Variants in XDH observed in about 807,000 individuals in gnomAD.
XDH encodes xanthine dehydrogenase/oxidase.
XDH carries 138 observed loss-of-function variants against 156.1 expected under a neutral mutation model. That is an observed-to-expected ratio of 0.88 (90% CI 0.77 to 1.02). The LOEUF is 1.02. Among genes scored for constraint, XDH ranks in the 50% least tolerant of loss-of-function variants. The pLI is 0.00. For missense variants in XDH, 1,849 were observed against 1,684.9 expected, an observed-to-expected ratio of 1.10 and a Z score of -1.71; for synonymous variants, 669 against 625.7, an observed-to-expected ratio of 1.07 and a Z score of -1.03.
Position 31,397,834 on chromosome 2 carries a change from G to A in XDH, c.434-105C>T, listed in dbSNP as rs1056624630. 6 of 1,299,412 alleles carry A rather than the reference G, an allele frequency of 4.6e-6. No individual in the cohort carries two copies. The African/African-American group carries it at 8.7e-5, about 19-fold the overall frequency. The allele number at this position is 1,299,412 out of a possible 1,614,324, so 80.5% of individuals were successfully genotyped here. ...AGTTGGGTGCTCTCTTTACCAGGCTGCATATTCTGTTACCTCTGTCTGGAA... is the reference window on the plus strand; with the variant it reads ...AGTTGGGTGCTCTCTTTACCAGGCTACATATTCTGTTACCTCTGTCTGGAA... On this transcript the variant is annotated intron_variant, in intron 5 of 35. Transcript: ENST00000379416.
intron 10 of XDH, among the ~76,000 whole-genome samples, chr2:31,383,497 A>G (rs1252474024): frequency 2.1e-5 from 3 of 144,804 alleles, no homozygotes; most frequent in Admixed American, 7.1e-5. Context: ...CCACCCCCGC[A>G]TGAGTGATTC....
intron 24 of XDH, 127 bp from the exon 25 acceptor site, chr2:31,350,350 A>C: frequency 3.5e-6 from 2 of 563,770 alleles, no homozygotes; most frequent in South Asian, 1.6e-5. Flanking sequence ...TTTCTCCCCC[A>C]GGATATTGCA....
chr2:31,367,498 T>C (rs1251571029), intron 20 of XDH, among the ~76,000 whole-genome samples: 1 of 152,052 alleles, frequency 6.6e-6, no homozygotes, highest in African/African-American at 2.4e-5. Context: ...GTCAGCTGTG[T>C]TGTCCTGGGG....
rs183289802 is a variant in XDH, at chr2:31,401,778, G to A, written c.198-450C>T. Among the ~76,000 whole-genome samples the A allele has an allele frequency of 9.5e-4, 145 of 152,282 alleles. 1 individual carries two copies. The highest frequency in any genetic ancestry group is 3.4e-3 in the African/African-American group (140 of 41,556). On this transcript the variant is annotated intron_variant, in intron 3 of 35. Coordinates refer to ENST00000379416, the MANE Select transcript of XDH (RefSeq NM_000379.4). ...GCCTCTATTGCTTTCATTTCTCTGT[G>A]GGGAAAGGGGGAGGAAACCCCCAGG...
intron 24 of XDH, among the ~76,000 whole-genome samples, chr2:31,355,960 G>C (rs1685612564): frequency 6.6e-6 from 1 of 152,148 alleles, no homozygotes; most frequent in Non-Finnish European, 1.5e-5. Flanking sequence ...TCAAAAGAAA[G>C]CAAGAGTGGC....
intron 2 of XDH, 90 bp downstream of exon 2, chr2:31,405,817 C>G (rs979558453): frequency 3.0e-5 from 45 of 1,498,880 alleles, no homozygotes; most frequent in Non-Finnish European, 3.5e-5. Flanking sequence ...TCAAGGCCAC[C>G]CCACCAGTCA....
chr2:31,368,320 T>G (rs1685977389), intron 19 of XDH, among the ~76,000 whole-genome samples: 1 of 152,204 alleles, frequency 6.6e-6, no homozygotes, highest in Admixed American at 6.5e-5. Flanking sequence ...GGTAAAATTT[T>G]GAGAAGGAGG....
chr2:31,387,270 G>A (rs111621974), intron 8 of XDH, among the ~76,000 whole-genome samples: 16 of 152,264 alleles, frequency 1.1e-4, no homozygotes, highest in African/African-American at 3.6e-4. Flanking sequence ...CAAAAACTCC[G>A]AGTGGCTTGA....
chr2:31,347,012 G>T (rs1055286118), intron 29 of XDH, among the ~76,000 whole-genome samples, 169 bp from the exon 30 acceptor site: 5 of 152,160 alleles, frequency 3.3e-5, no homozygotes, highest in African/African-American at 1.2e-4. Context: ...GGGTAGAATC[G>T]ACAGGACCTG....
chr2:31,372,812 T>G (rs1686114013), intron 16 of XDH, among the ~76,000 whole-genome samples: 1 of 152,046 alleles, frequency 6.6e-6, no homozygotes, highest in African/African-American at 2.4e-5. Flanking sequence ...AGATAATATA[T>G]GCTATAAATA....
At chr2:31,379,738 A>G in intron 13 of XDH, 129 bp downstream of exon 13, 1 of 953,574 alleles carries the variant, frequency 1.0e-6, no homozygotes, top group South Asian at 1.3e-5. Flanking sequence ...AAGTTCAGAG[A>G]GAAAAATCAT....
At chr2:31,371,450 G>A (rs1055572581) in intron 17 of XDH, among the ~76,000 whole-genome samples, 28 of 152,150 alleles carry the variant, frequency 1.8e-4, no homozygotes, top group African/African-American at 6.3e-4. Flanking sequence ...GCTCTGTCCT[G>A]CCAAACCCAC....
rs545199635 is a variant in XDH, at chr2:31,350,261, A to C, written c.2632-38T>G. ...AAACAAAAATGGGAGAGAACAGTGT[A>C]CTGATTGCATTGGTTCCTCAAAGTA... On this transcript the variant is annotated intron_variant, in intron 24 of 35. Transcript: ENST00000379416. 13 of 1,606,048 alleles carry C rather than the reference A, an allele frequency of 8.1e-6. No individual in the cohort carries two copies. The South Asian group carries it at 1.2e-4, about 15-fold the overall frequency.
intron 16 of XDH, among the ~76,000 whole-genome samples, 164 bp from the exon 17 acceptor site, chr2:31,372,561 G>C (rs1012726466): frequency 2.6e-5 from 4 of 152,216 alleles, no homozygotes; most frequent in Non-Finnish European, 5.9e-5. Flanking sequence ...AGGTGCATAA[G>C]TGATAGCAAG....
chr2:31,397,705 T>C lies in XDH; in HGVS notation c.458A>G (p.Tyr153Cys). The C allele has an allele frequency of 1.2e-6, 2 of 1,614,206 alleles. No homozygotes were observed. Residue 153 changes from tyrosine (Y) to cysteine (C), a missense_variant, in exon 6 of 36, where the codon TAC becomes TGC. By Grantham distance (194) the Tyr-to-Cys change is radical (BLOSUM62 -2). Coordinates refer to ENST00000379416, the MANE Select transcript of XDH (RefSeq NM_000379.4). ...FQGNLCRCTG[Y>C]RPILQGFRTF... ...CCGGAAGCCCTGGAGGATGGGTCTG[T>C]AGCCTGTGCAGCGGCACAGATTTCC... is the stretch of plus-strand genomic sequence containing the variant.
At chr2:31,346,381 A>G (rs1399517981) in intron 30 of XDH, among the ~76,000 whole-genome samples, 2 of 152,162 alleles carry the variant, frequency 1.3e-5, no homozygotes, top group African/African-American at 4.8e-5. Context: ...GACTCAAGAG[A>G]TGGAGATTTG....
rs1453492091 is a variant in XDH, at chr2:31,346,753, A to T, written c.3351+16T>A. 1 of 1,614,118 alleles carries T rather than the reference A, an allele frequency of 6.2e-7. No homozygotes were observed. The highest frequency in any genetic ancestry group is 8.5e-7 in the Non-Finnish European group (1 of 1,180,004). ...CCTCTCCTTTGCAAACGTGACTTGG[A>T]TCAGCTCAGACTTACCCAGTCTTCC... On this transcript the variant is annotated intron_variant, in intron 30 of 35. Transcript: ENST00000379416.
Position 31,376,010 on chromosome 2 carries a change from T to C in XDH, c.1428-456A>G, listed in dbSNP as rs189229734. 2.9e-3 allele frequency among the ~76,000 whole-genome samples: 438 copies of C among 152,304 alleles called. 2 individuals are homozygous for C. Among genetic ancestry groups the C allele is most frequent in the Non-Finnish European group, 5.2e-3 (354 of 68,016 alleles). On this transcript the variant is annotated intron_variant, in intron 14 of 35. Coordinates refer to ENST00000379416, the MANE Select transcript of XDH (RefSeq NM_000379.4). ...GAACCAAACTCCAAGTTAAGCTTTA[T>C]TGATCCTATGTGGGTGCTGTAAGGA...
rs575205048 is a variant in XDH, at chr2:31,376,703, A to G, written c.1427+350T>C. Among the ~76,000 whole-genome samples, 19 of 149,992 alleles carry G rather than the reference A, an allele frequency of 1.3e-4. No homozygotes were observed. The East Asian group carries it at 3.5e-3, about 28-fold the overall frequency. ...TAGCAACAGTAGTCATAGTAATAGC[A>G]ATAATGAGTAACAGTAGTAATTTTA... is the stretch of plus-strand genomic sequence containing the variant. On this transcript the variant is annotated intron_variant, in intron 14 of 35. Transcript: ENST00000379416.
Sources: allele counts gnomAD v4.1 joint callset (sites outside exome capture counted in the v4.1 genomes callset), GRCh38; gene constraint gnomAD v4.1.1; transcripts MANE v1.5; gene names NCBI Gene and HGNC (gene_info 2026-07-23, HGNC 2026-07-21).